Variants in CCDC102B observed in about 807,000 individuals in gnomAD.
The protein encoded by CCDC102B is coiled-coil domain containing 102B.
CCDC102B carries 75 observed loss-of-function variants against 57.4 expected under a neutral mutation model. That is an observed-to-expected ratio of 1.31 (90% CI 1.08 to 1.58). CCDC102B has a LOEUF of 1.58. CCDC102B is among the 40% of genes most tolerant of loss of function. CCDC102B has a pLI of 0.00. For missense variants in CCDC102B, 636 were observed against 582.6 expected (o/e 1.09, Z -0.94); for synonymous variants, 206 against 201.9 (o/e 1.02, Z -0.17).
intron 6 of CCDC102B, among the ~76,000 whole-genome samples, chr18:68,939,773 A>G (rs1252669719): frequency 1.3e-5 from 2 of 151,830 alleles, no homozygotes; most frequent in Non-Finnish European, 3.0e-5. Context: ...TTCAACAGAT[A>G]AAAACTTGAA....
At chr18:68,731,115 T>A (rs1320710956) in intron 2 of CCDC102B, among the ~76,000 whole-genome samples, 1 of 152,124 alleles carries the variant, frequency 6.6e-6, no homozygotes, top group African/African-American at 2.4e-5. Context: ...GCTTCCCAAG[T>A]AGCTAGGACT....
chr18:68,962,976 C>T (rs1000735831), intron 6 of CCDC102B, among the ~76,000 whole-genome samples: 1 of 151,918 alleles, frequency 6.6e-6, no homozygotes, highest in Non-Finnish European at 1.5e-5. Context: ...CATTGATTCA[C>T]CCTTTTATTC....
chr18:68,901,140 G>A (rs1050152691), intron 6 of CCDC102B, among the ~76,000 whole-genome samples: 1 of 152,182 alleles, frequency 6.6e-6, no homozygotes, highest in Non-Finnish European at 1.5e-5. Context: ...TCATAGCAAA[G>A]TCTTTCCCAA....
At position 68,849,355 on chromosome 18, in the gene CCDC102B, C is replaced by A. The variant is rs61406322; in HGVS notation, c.936+2934C>A. ...GCTTACTGCTAATTTTGAAACATTG[C>A]CTCTTATTGCTATTCCTGTGGCTTA... On this transcript the variant is annotated intron_variant, in intron 4 of 7. Coordinates refer to ENST00000360242, the MANE Select transcript of CCDC102B (RefSeq NM_024781.3). 4.0e-3 allele frequency among the ~76,000 whole-genome samples: 605 copies of A among 152,118 alleles called. 9 individuals carry two copies. The highest frequency in any genetic ancestry group is 0.013 in the African/African-American group (553 of 41,542).
At chr18:68,988,601 A>G (rs1024812142) in intron 6 of CCDC102B, among the ~76,000 whole-genome samples, 1 of 152,178 alleles carries the variant, frequency 6.6e-6, no homozygotes, top group Non-Finnish European at 1.5e-5. Flanking sequence ...ACTCTGGGTC[A>G]GCAAGAATGA....
At chr18:68,765,485 G>GAAGA (rs546908983) in intron 2 of CCDC102B, among the ~76,000 whole-genome samples, 5 of 149,786 alleles carry the variant, frequency 3.3e-5, no homozygotes, top group African/African-American at 1.2e-4. Flanking sequence ...GGAAGGAGAG[G>GAAGA]AAGAAAGAAA....
chr18:68,768,195 G>C (rs1486679009), intron 2 of CCDC102B, among the ~76,000 whole-genome samples: 1 of 152,136 alleles, frequency 6.6e-6, no homozygotes, highest in Non-Finnish European at 1.5e-5. Flanking sequence ...TTGCATAATA[G>C]GAATTATTAA....
chr18:68,864,857 C>T (rs921337081), intron 4 of CCDC102B, among the ~76,000 whole-genome samples: 2 of 152,080 alleles, frequency 1.3e-5, no homozygotes, highest in South Asian at 4.2e-4. Context: ...CAAAATATTC[C>T]TTATTCTTTC....
intron 6 of CCDC102B, among the ~76,000 whole-genome samples, chr18:68,912,166 A>C (rs2040897979): frequency 2.7e-5 from 1 of 36,866 alleles, no homozygotes; most frequent in African/African-American, 1.1e-4. Context: ...GAGAGAAGAC[A>C]GTTTTCTACA....
At chr18:69,015,390 C>T (rs1038182880) in intron 7 of CCDC102B, among the ~76,000 whole-genome samples, 1 of 152,072 alleles carries the variant, frequency 6.6e-6, no homozygotes, top group East Asian at 1.9e-4. Flanking sequence ...ACCACTGTTT[C>T]GGATAGTTAG....
chr18:68,881,669 C>T (rs1355657163), intron 5 of CCDC102B, among the ~76,000 whole-genome samples: 3 of 152,096 alleles, frequency 2.0e-5, no homozygotes, highest in African/African-American at 7.2e-5. Context: ...TGATCTGCTC[C>T]AGCCTTTGGA....
intron 2 of CCDC102B, among the ~76,000 whole-genome samples, chr18:68,740,524 T>C (rs1465278816): frequency 6.6e-6 from 1 of 152,240 alleles, no homozygotes; most frequent in Non-Finnish European, 1.5e-5. Context: ...TCATGTGATC[T>C]CTAACATCGA....
chr18:68,745,503 A>G (rs2033581556), intron 2 of CCDC102B, among the ~76,000 whole-genome samples: 2 of 152,096 alleles, frequency 1.3e-5, no homozygotes, highest in South Asian at 4.1e-4. Flanking sequence ...TGAGATACAT[A>G]GTGATGTTTT....
chr18:68,850,177 A>G (rs558291271), intron 4 of CCDC102B, among the ~76,000 whole-genome samples: 1 of 152,284 alleles, frequency 6.6e-6, no homozygotes, highest in South Asian at 2.1e-4. Context: ...TCAATATGTT[A>G]CATCGTATAG....
At chr18:68,721,868 C>T (rs576470473) in intron 2 of CCDC102B, among the ~76,000 whole-genome samples, 9 of 152,270 alleles carry the variant, frequency 5.9e-5, no homozygotes, top group East Asian at 1.9e-4. Flanking sequence ...TCTGAAGTTG[C>T]GTTTCATCCT....
intron 2 of CCDC102B, among the ~76,000 whole-genome samples, chr18:68,770,718 G>T (rs2034611870): frequency 1.3e-5 from 2 of 152,158 alleles, no homozygotes; most frequent in South Asian, 4.1e-4. Flanking sequence ...GTTTTTAATA[G>T]GATGGTTGAT....
At chr18:69,018,819 T>C (rs1381486830) in intron 7 of CCDC102B, among the ~76,000 whole-genome samples, 2 of 152,094 alleles carry the variant, frequency 1.3e-5, no homozygotes, top group African/African-American at 4.8e-5. Context: ...TTGGGTATCA[T>C]ATTCAAAAAT....
rs1057471000 is a variant in CCDC102B at position 68,780,344 on chromosome 18, A to G, written c.-66-43022A>G. Among the ~76,000 whole-genome samples, 18 of 152,106 alleles carry G rather than the reference A, an allele frequency of 1.2e-4. 1 individual carries two copies. Among genetic ancestry groups the G allele is most frequent in the African/African-American group, 2.4e-4 (10 of 41,452 alleles). On this transcript the variant is annotated intron_variant, in intron 2 of 3. Transcript: ENST00000578970. Reference sequence around the variant, plus strand: ...TGTGTACAAGTGTTTGTGTGAATGTAGGTGTTTATTTCAGTACAATTTTAA... The same window carrying G: ...TGTGTACAAGTGTTTGTGTGAATGTGGGTGTTTATTTCAGTACAATTTTAA...
chr18:68,884,353 G>A (rs2039799280), intron 5 of CCDC102B, among the ~76,000 whole-genome samples: 1 of 152,088 alleles, frequency 6.6e-6, no homozygotes, highest in Admixed American at 6.5e-5. Context: ...ATGGGATTAT[G>A]TATTTGCAAC....
Sources: gnomAD v4.1 joint callset for allele counts (sites outside exome capture counted in the v4.1 genomes callset) on GRCh38, gnomAD v4.1.1 for gene constraint, MANE v1.5 for transcripts, NCBI Gene and HGNC (gene_info 2026-07-23, HGNC 2026-07-21) for gene names.